Variants in ARMC7 observed in about 807,000 individuals in gnomAD.
ARMC7 encodes armadillo repeat containing 7, also known as armadillo repeat-containing protein 7.
A neutral mutation model predicts 14.8 loss-of-function variants in ARMC7; 9 were observed. That is an observed-to-expected ratio of 0.61 (90% CI 0.37 to 1.06). The LOEUF is 1.06. Among genes scored for constraint, ARMC7 ranks in the 50% least tolerant of loss-of-function variants. The pLI is 0.01. For synonymous variants in ARMC7, 125 were observed against 123.4 expected (o/e 1.01, Z -0.09); for missense variants, 262 against 267.1 (o/e 0.98, Z 0.13).
intron 2 of ARMC7, among the ~76,000 whole-genome samples, chr17:75,118,980 C>A (rs2073992498): frequency 6.6e-6 from 1 of 152,192 alleles, no homozygotes; most frequent in South Asian, 2.1e-4. Context: ...CCCTGGGAAC[C>A]CAGCTGGCAC....
At chr17:75,110,766 C>T (rs1455592475) in intron 2 of ARMC7, among the ~76,000 whole-genome samples, 160 bp downstream of exon 2, 2 of 151,966 alleles carry the variant, frequency 1.3e-5, no homozygotes, top group Non-Finnish European at 1.5e-5. Flanking sequence ...AGTTCGAGAC[C>T]AGCCTGGCCC....
chr17:75,116,536 AATCGCTTGAACCGAGGAGG>A (rs1255613065), intron 2 of ARMC7, among the ~76,000 whole-genome samples: 1 of 152,204 alleles, frequency 6.6e-6, no homozygotes, highest in Non-Finnish European at 1.5e-5. Flanking sequence ...GAGGCAGGAG[AATCGCTTGAACCGAGGAGG>A]TGGAGGTTGA....
At position 75,110,120 on chromosome 17, in the gene ARMC7, T is replaced by C. The variant is rs1034150981; in HGVS notation, c.-169T>C. On this transcript the variant is annotated 5_prime_UTR_variant, in exon 1 of 3. Transcript: ENST00000245543. ...ACCCCGTCCCATCTCCCATATCCCA[T>C]TTCCAGCTGCAAATTACTGCAGAAT... 11 of 651,824 alleles carry C rather than the reference T, an allele frequency of 1.7e-5. No homozygotes were observed. Among genetic ancestry groups the C allele is most frequent in the African/African-American group, 9.1e-5 (5 of 54,746 alleles). The allele number at this position is 651,824 out of a possible 1,614,324, so 40.4% of individuals were successfully genotyped here. A position where few individuals can be genotyped will look rare whatever the true frequency, so the allele number is the denominator to read the frequency against.
intron 2 of ARMC7, among the ~76,000 whole-genome samples, chr17:75,122,624 A>C (rs1434510915): frequency 1.3e-5 from 2 of 152,152 alleles, no homozygotes; most frequent in South Asian, 4.1e-4. Flanking sequence ...CACCACCCAA[A>C]GTGCTGGGAT....
intron 2 of ARMC7, among the ~76,000 whole-genome samples, chr17:75,123,939 A>G (rs2074032571): frequency 1.3e-5 from 2 of 152,110 alleles, no homozygotes. Context: ...ATACTGTTTC[A>G]TCATATGCAT....
intron 2 of ARMC7, among the ~76,000 whole-genome samples, chr17:75,124,857 C>T (rs1295516089): frequency 6.6e-6 from 1 of 152,216 alleles, no homozygotes; most frequent in Non-Finnish European, 1.5e-5. Flanking sequence ...GTCATGTGTC[C>T]AGTGCGTGCT....
intron 2 of ARMC7, among the ~76,000 whole-genome samples, chr17:75,112,817 C>A (rs2073937497): frequency 6.6e-6 from 1 of 151,516 alleles, no homozygotes; most frequent in East Asian, 1.9e-4. Flanking sequence ...CTCCTGGCCC[C>A]AAGAAATAAA....
rs189101136 is a variant in ARMC7 at position 75,123,639 on chromosome 17, T to C, written c.236-5038T>C. 2.7e-3 allele frequency among the ~76,000 whole-genome samples: 410 copies of C among 152,264 alleles called. 3 individuals are homozygous for C. The highest frequency in any genetic ancestry group is 0.016 in the South Asian group (78 of 4,822). On this transcript the variant is annotated intron_variant, in intron 2 of 2. Coordinates refer to ENST00000245543, the MANE Select transcript of ARMC7 (RefSeq NM_024585.4). ...ACATTATTTTTAAGAACTGTAAATA[T>C]TGCCAGACACAATGGCTCACGCCTT...
At chr17:75,127,963 C>A (rs1433529676) in intron 2 of ARMC7, among the ~76,000 whole-genome samples, 1 of 152,158 alleles carries the variant, frequency 6.6e-6, no homozygotes, top group African/African-American at 2.4e-5. Context: ...TTAAAGGGTA[C>A]AATTTGATAA....
intron 2 of ARMC7, among the ~76,000 whole-genome samples, chr17:75,120,031 A>G (rs909482844): frequency 1.3e-5 from 2 of 152,020 alleles, no homozygotes; most frequent in Non-Finnish European, 2.9e-5. Flanking sequence ...CAGCCTCCCA[A>G]GTAGCTGGGA....
At chr17:75,119,739 G>A (rs1398115244) in intron 2 of ARMC7, among the ~76,000 whole-genome samples, 1 of 151,986 alleles carries the variant, frequency 6.6e-6, no homozygotes, top group East Asian at 1.9e-4. Context: ...AGGATTACAG[G>A]CGTGAGCCAC....
intron 2 of ARMC7, among the ~76,000 whole-genome samples, chr17:75,124,573 C>T (rs751625365): frequency 7.2e-5 from 11 of 152,310 alleles, no homozygotes; most frequent in South Asian, 2.1e-4. Context: ...GGAGACATGC[C>T]GCGGGTGTGT....
chr17:75,110,642 G>T, intron 2 of ARMC7, 36 bp downstream of exon 2: 2 of 1,612,186 alleles, frequency 1.2e-6, no homozygotes, highest in Non-Finnish European at 1.7e-6. Context: ...TGCCTAAATG[G>T]GCCAGGGTGA....
chr17:75,112,434 G>A (rs1351482966), intron 2 of ARMC7, among the ~76,000 whole-genome samples: 1 of 152,080 alleles, frequency 6.6e-6, no homozygotes. Flanking sequence ...TGGCCAACAC[G>A]CGCGTAGTCA....
chr17:75,112,042 G>C (rs1329992556), intron 2 of ARMC7, among the ~76,000 whole-genome samples: 4 of 150,236 alleles, frequency 2.7e-5, no homozygotes, highest in Non-Finnish European at 5.9e-5. Flanking sequence ...AGAGACAGCA[G>C]TGGAAGGTGG....
chr17:75,128,027 T>C (rs1349124064), intron 2 of ARMC7, among the ~76,000 whole-genome samples: 3 of 152,208 alleles, frequency 2.0e-5, no homozygotes, highest in African/African-American at 7.2e-5. Context: ...TTTATAACTT[T>C]TATAAACTGT....
At chr17:75,115,923 G>A (rs78737116) in intron 2 of ARMC7, among the ~76,000 whole-genome samples, 2,680 of 152,274 alleles carry the variant, frequency 0.018, 35 homozygotes, top group Non-Finnish European at 0.03. Context: ...GATTCCCTTG[G>A]TTGCCATCCA....
chr17:75,129,523 G>C lies in ARMC7; in HGVS notation c.*485G>C, dbSNP rs1285065681. 1 of 155,566 alleles carries C rather than the reference G, an allele frequency of 6.4e-6. No individual in the cohort carries two copies. Among genetic ancestry groups the C allele is most frequent in the African/African-American group, 2.4e-5 (1 of 41,484 alleles). The allele number at this position is 155,566 out of a possible 1,614,324, so 9.6% of individuals were successfully genotyped here. A position where few individuals can be genotyped will look rare whatever the true frequency, so the allele number is the denominator to read the frequency against. Reference sequence around the variant, plus strand: ...CTGGGAAGATGTGGTGCCCCCTCCAGGGCTCTGGAGGATGGATGCCTCCCC... The same window carrying C: ...CTGGGAAGATGTGGTGCCCCCTCCACGGCTCTGGAGGATGGATGCCTCCCC... On this transcript the variant is annotated 3_prime_UTR_variant, in exon 3 of 3. Coordinates refer to ENST00000245543, the MANE Select transcript of ARMC7 (RefSeq NM_024585.4).
chr17:75,129,145 C>T lies in ARMC7; in HGVS notation c.*107C>T. The stretch of plus-strand genomic sequence containing the variant: ...ACTGCCCCATTGGTGCCTTTTCAGC[C>T]ATCTGAAAGGCGGGTTCTTTCAGCA... On this transcript the variant is annotated 3_prime_UTR_variant, in exon 3 of 3. Coordinates refer to ENST00000245543, the MANE Select transcript of ARMC7 (RefSeq NM_024585.4). The T allele has an allele frequency of 7.0e-7, 1 of 1,423,340 alleles. No individual in the cohort carries two copies. Among genetic ancestry groups the T allele is most frequent in the Non-Finnish European group, 9.3e-7 (1 of 1,074,108 alleles). The allele number at this position is 1,423,340 out of a possible 1,614,324, so 88.2% of individuals were successfully genotyped here. A position where few individuals can be genotyped will look rare whatever the true frequency, so the allele number is the denominator to read the frequency against.
Sources: allele counts gnomAD v4.1 joint callset (sites outside exome capture counted in the v4.1 genomes callset), GRCh38; gene constraint gnomAD v4.1.1; transcripts MANE v1.5; gene names NCBI Gene and HGNC (gene_info 2026-07-23, HGNC 2026-07-21).